Variants in NR3C2 observed in about 807,000 individuals in gnomAD.
NR3C2 encodes the protein nuclear receptor subfamily 3 group C member 2.
Under a neutral mutation model 86.4 loss-of-function variants are expected in NR3C2, and 15 were observed. The observed-to-expected ratio is 0.17, with a 90% CI of 0.12 to 0.27. The LOEUF (loss-of-function observed/expected upper bound fraction) is 0.27, where lower values mean the gene tolerates loss of function less well. Ranked by LOEUF, NR3C2 falls within the 10% of genes least tolerant of loss-of-function variation. NR3C2 has a pLI of 1.00. For missense variants in NR3C2, 960 were observed against 1,195.6 expected (o/e 0.80, Z 2.91); for synonymous variants, 458 against 450.5 (o/e 1.02, Z -0.21).
intron 3 of NR3C2, among the ~76,000 whole-genome samples, chr4:148,211,823 A>C (rs1023806382): frequency 6.6e-6 from 1 of 152,194 alleles, no homozygotes; most frequent in East Asian, 1.9e-4. Flanking sequence ...GACTGATCCA[A>C]TCATTTTCTG....
intron 2 of NR3C2, among the ~76,000 whole-genome samples, chr4:148,395,009 T>C (rs1747789956): frequency 6.6e-6 from 1 of 151,986 alleles, no homozygotes; most frequent in Admixed American, 6.6e-5. Flanking sequence ...ATTTGGTGGG[T>C]TGGAAATAAA....
At chr4:148,421,157 A>G (rs1749262701) in intron 2 of NR3C2, among the ~76,000 whole-genome samples, 1 of 152,182 alleles carries the variant, frequency 6.6e-6, no homozygotes. Flanking sequence ...GCACCTCCCT[A>G]TTTTTAGGAC....
chr4:148,401,435 A>C (rs1291805655), intron 2 of NR3C2, among the ~76,000 whole-genome samples: 2 of 150,562 alleles, frequency 1.3e-5, no homozygotes, highest in East Asian at 3.9e-4. Flanking sequence ...GCAGGAGCTT[A>C]CTAAAGACTT....
intron 2 of NR3C2, among the ~76,000 whole-genome samples, chr4:148,304,758 C>A (rs566483039): frequency 6.6e-6 from 1 of 152,166 alleles, no homozygotes; most frequent in Non-Finnish European, 1.5e-5. Context: ...TGACTGGGGG[C>A]CTGCCTGAGC....
At chr4:148,386,107 C>T (rs149605296) in intron 2 of NR3C2, among the ~76,000 whole-genome samples, 138 of 152,262 alleles carry the variant, frequency 9.1e-4, no homozygotes, top group African/African-American at 3.1e-3. Flanking sequence ...ATGGAAACCA[C>T]TCTAAATCCC....
chr4:148,416,698 T>C (rs1257035095), intron 2 of NR3C2, among the ~76,000 whole-genome samples: 1 of 152,238 alleles, frequency 6.6e-6, no homozygotes, highest in Admixed American at 6.5e-5. Context: ...TACCAAATTG[T>C]TGCTTTCACT....
intron 6 of NR3C2, among the ~76,000 whole-genome samples, chr4:148,144,196 G>T (rs1427812132): frequency 6.6e-6 from 1 of 151,952 alleles, no homozygotes; most frequent in Non-Finnish European, 1.5e-5. Context: ...AAAATGTCTG[G>T]AAATGACTTT....
intron 3 of NR3C2, among the ~76,000 whole-genome samples, chr4:148,211,249 G>A (rs1167469540): frequency 6.6e-6 from 1 of 152,192 alleles, no homozygotes; most frequent in African/African-American, 2.4e-5. Context: ...AGTACTCCAG[G>A]AGATAAATAA....
intron 3 of NR3C2, among the ~76,000 whole-genome samples, chr4:148,204,100 A>T (rs4835502): frequency 0.21 from 31,325 of 152,092 alleles, 4,181 homozygotes; most frequent in East Asian, 0.55. Flanking sequence ...TTCATTTTTT[A>T]AAATGTACTT....
chr4:148,387,649 AAT>A (rs1479208958), intron 2 of NR3C2, among the ~76,000 whole-genome samples: 7 of 152,202 alleles, frequency 4.6e-5, no homozygotes, highest in African/African-American at 1.7e-4. Context: ...AGGCGATAAC[AAT>A]ATGTCTCCCT....
chr4:148,225,829 TCA>T (rs1157070705), intron 3 of NR3C2, among the ~76,000 whole-genome samples: 1 of 152,104 alleles, frequency 6.6e-6, no homozygotes, highest in African/African-American at 2.4e-5. Context: ...CCTAATGTTT[TCA>T]CACTCTTACT....
At chr4:148,405,071 T>C (rs1456918778) in intron 2 of NR3C2, among the ~76,000 whole-genome samples, 1 of 124,368 alleles carries the variant, frequency 8.0e-6, no homozygotes, top group East Asian at 3.9e-4. Flanking sequence ...GATTTTGGTG[T>C]TAAAATTGTC....
rs1471822171 is a variant in NR3C2 at position 148,130,290 on chromosome 4, GA to G, written c.2511-10003del. 2.0e-5 allele frequency among the ~76,000 whole-genome samples: 3 copies of G among 152,036 alleles called. No homozygotes were observed. The East Asian group carries it at 5.8e-4, about 29-fold the overall frequency. On this transcript the variant is annotated intron_variant, in intron 6 of 8. Transcript: ENST00000358102. ...TAAATGTAATCCTTTCACATCAGCC[GA>G]TTTTATAAATGCCAAAGCACAAAAG...
At chr4:148,445,006 T>C (rs1236859832), upstream of NR3C2, 5 of 984,008 alleles carry the variant, frequency 5.1e-6, no homozygotes, top group Non-Finnish European at 4.8e-6. Context: ...TGCGCCCCCC[T>C]CCCCGGGTCA....
chr4:148,177,769 T>C (rs1735443427), intron 4 of NR3C2, among the ~76,000 whole-genome samples: 1 of 152,136 alleles, frequency 6.6e-6, no homozygotes, highest in African/African-American at 2.4e-5. Flanking sequence ...TGGTTGTAAG[T>C]GGTCTGTCCT....
intron 8 of NR3C2, among the ~76,000 whole-genome samples, chr4:148,088,515 C>A (rs1160009173): frequency 1.3e-5 from 2 of 152,156 alleles, no homozygotes; most frequent in Admixed American, 1.3e-4. Flanking sequence ...CACATACACA[C>A]CATGGAATAC....
At chr4:148,100,658 G>A (rs563916556) in intron 8 of NR3C2, among the ~76,000 whole-genome samples, 90 of 152,194 alleles carry the variant, frequency 5.9e-4, no homozygotes, top group Middle Eastern at 3.4e-3. Flanking sequence ...GGAAAAGTTC[G>A]GTGTTTCCTC....
At chr4:148,132,734 A>G (rs1419532739) in intron 6 of NR3C2, among the ~76,000 whole-genome samples, 5 of 152,234 alleles carry the variant, frequency 3.3e-5, no homozygotes, top group Non-Finnish European at 7.3e-5. Context: ...CACTGAAAAC[A>G]GCATTCTAGG....
intron 8 of NR3C2, among the ~76,000 whole-genome samples, chr4:148,083,413 A>G (rs908519339): frequency 1.3e-5 from 2 of 152,152 alleles, no homozygotes; most frequent in Non-Finnish European, 2.9e-5. Context: ...TCTGGAGTGG[A>G]CCTCCAGCAA....
Sources: allele counts gnomAD v4.1 joint callset (sites outside exome capture counted in the v4.1 genomes callset), GRCh38; gene constraint gnomAD v4.1.1; transcripts MANE v1.5; gene names NCBI Gene and HGNC (gene_info 2026-07-23, HGNC 2026-07-21).